HGF: variants seen among roughly 807,000 people sequenced by gnomAD.
HGF encodes hepatocyte growth factor.
Under a neutral mutation model 111.6 loss-of-function variants are expected in HGF, and 39 were observed. The ratio of observed to expected loss-of-function variants is 0.35; its 90% CI spans 0.27 to 0.46. The LOEUF is 0.46. Among genes scored for constraint, HGF ranks in the 20% least tolerant of loss-of-function variants. The probability of loss-of-function intolerance (pLI) is 1.00; values close to 1 mark genes in which losing one functional copy is unlikely to be tolerated. For synonymous variants in HGF, 285 were observed against 294.8 expected (o/e 0.97, Z 0.34); for missense variants, 735 against 910.5 (o/e 0.81, Z 2.48).
Position 81,734,131 on chromosome 7 carries a change from A to G in HGF, c.866-4352T>C, listed in dbSNP as rs928659136. ...AAGTTGATTGTTTAGACAAAGCAAC[A>G]AGTATTTTAAAATACAGCATCCCCC... On this transcript the variant is annotated intron_variant, in intron 7 of 17. Transcript: ENST00000222390. Among the ~76,000 whole-genome samples the G allele has an allele frequency of 2.6e-5, 4 of 152,150 alleles. No homozygotes were observed. In the East Asian group the frequency reaches 7.7e-4, roughly 29 times the overall value.
chr7:81,750,446 C>A (rs562593789), intron 5 of HGF, among the ~76,000 whole-genome samples: 1 of 152,090 alleles, frequency 6.6e-6, no homozygotes, highest in African/African-American at 2.4e-5. Flanking sequence ...TACCAACGAG[C>A]AATGCCCTTT....
rs1013031278 is a variant in HGF, at chr7:81,719,907, A to G, written c.1271+838T>C. 2.6e-5 allele frequency among the ~76,000 whole-genome samples: 4 copies of G among 152,326 alleles called. No individual in the cohort carries two copies. The East Asian group carries it at 7.7e-4, about 29-fold the overall frequency. ...ACATATGAATCTTTCCTATAGGATT[A>G]TGATGGTCAAATGGCATAACTCATG... On this transcript the variant is annotated intron_variant, in intron 10 of 17. Transcript: ENST00000222390.
intron 10 of HGF, among the ~76,000 whole-genome samples, chr7:81,719,887 T>C (rs997642667): frequency 1.3e-5 from 2 of 152,174 alleles, no homozygotes; most frequent in Non-Finnish European, 2.9e-5. Flanking sequence ...TATCCACATA[T>C]GAATCTTTCC....
chr7:81,756,229 T>G lies in HGF; in HGVS notation c.482+960A>C, dbSNP rs76998247. The G allele has an allele frequency of 5.1e-3, 2,908 of 569,838 alleles. 76 individuals carry two copies. Among genetic ancestry groups the G allele is most frequent in the African/African-American group, 0.05 (2,640 of 52,502 alleles). 35.3% of individuals were successfully genotyped at this position (569,838 alleles called of 1,614,324 possible). Reference sequence around the variant, plus strand: ...GAAAACTTACTAAGTGTTTTTATGCTTCAGTTTTGTCATGTAGGTAAAATA... The same window carrying G: ...GAAAACTTACTAAGTGTTTTTATGCGTCAGTTTTGTCATGTAGGTAAAATA... On this transcript the variant is annotated intron_variant, in intron 4 of 17. Coordinates refer to ENST00000222390, the MANE Select transcript of HGF (RefSeq NM_000601.6).
intron 2 of HGF, 129 bp downstream of exon 2, chr7:81,762,578 G>A: frequency 1.3e-6 from 1 of 791,172 alleles, no homozygotes; most frequent in Non-Finnish European, 2.2e-6. Flanking sequence ...TTTGTAGTGA[G>A]TTAAATCTAG....
chr7:81,717,722 T>C (rs1393141685), intron 10 of HGF, among the ~76,000 whole-genome samples: 1 of 152,020 alleles, frequency 6.6e-6, no homozygotes. Flanking sequence ...ATTAAAACTA[T>C]AAAATACATA....
chr7:81,734,088 A>T (rs1787750164), intron 7 of HGF, among the ~76,000 whole-genome samples: 1 of 152,150 alleles, frequency 6.6e-6, no homozygotes, highest in Non-Finnish European at 1.5e-5. Flanking sequence ...ACACAGAAAC[A>T]TTCCCAAATA....
At chr7:81,763,384 A>G (rs930953953) in intron 1 of HGF, among the ~76,000 whole-genome samples, 4 of 152,114 alleles carry the variant, frequency 2.6e-5, no homozygotes, top group Non-Finnish European at 4.4e-5. Context: ...CATGTTATTC[A>G]TATTTTAGCC....
At position 81,739,468 on chromosome 7, in the gene HGF, T is replaced by G. The variant is rs1787935026; in HGVS notation, c.865+3885A>C. ...CGTATGTATACACATATATAGTGTA[T>G]AGAGATACAATTATCAGTACTCCAT... On this transcript the variant is annotated intron_variant, in intron 7 of 17. Transcript: ENST00000222390. 3.9e-5 allele frequency among the ~76,000 whole-genome samples: 6 copies of G among 152,190 alleles called. No homozygotes were observed. The South Asian group carries it at 1.2e-3, about 31-fold the overall frequency.
chr7:81,711,765 TC>T (rs1789576703), intron 11 of HGF, among the ~76,000 whole-genome samples: 1 of 152,060 alleles, frequency 6.6e-6, no homozygotes, highest in African/African-American at 2.4e-5. Flanking sequence ...TGACTCAGCC[TC>T]CCAAGTAGCT....
chr7:81,727,145 A>G (rs1790036681), intron 8 of HGF, among the ~76,000 whole-genome samples: 1 of 149,786 alleles, frequency 6.7e-6, no homozygotes, highest in Admixed American at 6.7e-5. Context: ...GGTTCACGCC[A>G]TTCTCCTGCC....
At chr7:81,765,278 C>T (rs937920523) in intron 1 of HGF, among the ~76,000 whole-genome samples, 10 of 152,014 alleles carry the variant, frequency 6.6e-5, no homozygotes, top group South Asian at 2.1e-4. Context: ...CAGAGGTCTC[C>T]GTGGAATTTT....
At chr7:81,756,422 G>T in intron 4 of HGF, 1 of 209,228 alleles carries the variant, frequency 4.8e-6, no homozygotes, top group South Asian at 1.3e-4. Flanking sequence ...TGTGAAATAA[G>T]CCTTGACTAA....
At chr7:81,712,751 A>T (rs1163390877) in intron 11 of HGF, among the ~76,000 whole-genome samples, 1 of 152,200 alleles carries the variant, frequency 6.6e-6, no homozygotes, top group African/African-American at 2.4e-5. Flanking sequence ...GAGCTCAAAT[A>T]AGCCAGCAAC....
intron 1 of HGF, among the ~76,000 whole-genome samples, chr7:81,764,489 T>TGG (rs1463469079): frequency 6.6e-6 from 1 of 152,112 alleles, no homozygotes; most frequent in African/African-American, 2.4e-5. Context: ...TCTGTCAACA[T>TGG]GTTATTTATT....
At chr7:81,717,043 A>G (rs1280394482) in intron 11 of HGF, among the ~76,000 whole-genome samples, 189 bp downstream of exon 11, 2 of 152,156 alleles carry the variant, frequency 1.3e-5, no homozygotes, top group Non-Finnish European at 2.9e-5. Context: ...TATACGAGAG[A>G]TGGAGAGAGA....
rs1410083247 is a variant in HGF at position 81,729,758 on chromosome 7, G to A, written c.887C>T (p.Thr296Ile). 6.2e-7 allele frequency: 1 copy of A among 1,613,170 alleles called. No homozygotes were observed. The highest frequency in any genetic ancestry group is 8.5e-7 in the Non-Finnish European group (1 of 1,179,912). Residue 296 changes from threonine to isoleucine, a missense_variant, in exon 8 of 18, where the codon ACT becomes ATT. Thr to Ile is a moderately conservative substitution (Grantham distance 89). Coordinates refer to ENST00000222390, the MANE Select transcript of HGF (RefSeq NM_000601.6). ...KTCADNTMND[T>I]DVPLETTECI... Reference sequence around the variant, plus strand: ...TTCAGTTGTTTCCAAAGGAACATCAGTGTCATTCATAGTATTGTCAGCTAT... The same window carrying A: ...TTCAGTTGTTTCCAAAGGAACATCAATGTCATTCATAGTATTGTCAGCTAT...
chr7:81,727,708 A>T lies in HGF; in HGVS notation c.1041-1691T>A, dbSNP rs551718451. ...CCTTTGTTGCCCAGGCTGGTCTTGA[A>T]CTCCTGACCTCAAGCCATCCTCCCG... On this transcript the variant is annotated intron_variant, in intron 8 of 17. Transcript: ENST00000222390. Among the ~76,000 whole-genome samples, 7 of 151,828 alleles carry T rather than the reference A, an allele frequency of 4.6e-5. No homozygotes were observed. In the South Asian group the frequency reaches 1.5e-3, roughly 32 times the overall value.
Position 81,762,828 on chromosome 7 carries a change from A to G in HGF, c.133T>C (p.Ser45Pro). The G allele has an allele frequency of 6.3e-7, 1 of 1,594,706 alleles. No individual in the cohort carries two copies. The highest frequency in any genetic ancestry group is 8.6e-7 in the Non-Finnish European group (1 of 1,162,604). The change falls in exon 2 of 18, where the codon TCA becomes CCA. Residue 45 changes from serine to proline, a missense_variant. Transcript: ENST00000222390. ...ATTTTGATTAGGGTAGTCTTTGCTG[A>G]TTTTTTGAATTCATGAATTGTATTT... ...RRNTIHEFKK[S>P]AKTTLIKIDP...
Sources: allele counts gnomAD v4.1 joint callset (sites outside exome capture counted in the v4.1 genomes callset), GRCh38; gene constraint gnomAD v4.1.1; transcripts MANE v1.5; gene names NCBI Gene and HGNC (gene_info 2026-07-23, HGNC 2026-07-21).